ADGRL4: variants seen among roughly 807,000 people sequenced by gnomAD.
ADGRL4 encodes adhesion G protein-coupled receptor L4, also known as EGF, latrophilin and seven transmembrane domain containing 1.
ADGRL4 carries 90 observed loss-of-function variants against 74.8 expected under a neutral mutation model. The observed-to-expected ratio is 1.20, with a 90% CI of 1.02 to 1.43. The LOEUF (loss-of-function observed/expected upper bound fraction) is 1.43, where lower values mean the gene tolerates loss of function less well. Among genes scored for constraint, ADGRL4 ranks in the 40% most tolerant of loss-of-function variants. The pLI is 0.00. For synonymous variants in ADGRL4, 311 were observed against 279.2 expected (o/e 1.11, Z -1.14); for missense variants, 881 against 814.3 (o/e 1.08, Z -1.00).
intron 7 of ADGRL4, among the ~76,000 whole-genome samples, chr1:78,931,877 G>A (rs1028950459): frequency 1.3e-5 from 2 of 151,444 alleles, no homozygotes; most frequent in African/African-American, 4.9e-5. Flanking sequence ...AACCAGAAGA[G>A]CTAATTATCC....
chr1:78,975,800 C>T (rs940006670), intron 2 of ADGRL4, among the ~76,000 whole-genome samples: 1 of 151,740 alleles, frequency 6.6e-6, no homozygotes, highest in Non-Finnish European at 1.5e-5. Context: ...AAGGACTATG[C>T]TTATAGTGAC....
rs1168719741 is a variant in ADGRL4 at position 78,890,286 on chromosome 1, AC to A, written c.*867del. 7 of 152,264 alleles carry A rather than the reference AC, an allele frequency of 4.6e-5. No individual in the cohort carries two copies. The highest frequency in any genetic ancestry group is 2.4e-5 in the African/African-American group (1 of 41,452). The allele number at this position is 152,264 out of a possible 1,614,324, so 9.4% of individuals were successfully genotyped here. A position where few individuals can be genotyped will look rare whatever the true frequency, so the allele number is the denominator to read the frequency against. ...AATGAGATAGTATAACTTTCACTTC[AC>A]TGAAAGGTAATAGAATACTTCAGCT... On this transcript the variant is annotated 3_prime_UTR_variant, in exon 15 of 15. Transcript: ENST00000370742.
At chr1:78,953,259 G>A (rs764667844) in intron 2 of ADGRL4, among the ~76,000 whole-genome samples, 44 of 152,126 alleles carry the variant, frequency 2.9e-4, no homozygotes, top group Non-Finnish European at 5.0e-4. Flanking sequence ...GTAAAGATGA[G>A]TAATGCTCTT....
chr1:78,961,623 G>T (rs1649954780), intron 2 of ADGRL4, among the ~76,000 whole-genome samples: 1 of 152,114 alleles, frequency 6.6e-6, no homozygotes, highest in Admixed American at 6.6e-5. Flanking sequence ...CCTACTGTCT[G>T]CCAGGTGTCA....
Position 78,998,433 on chromosome 1 carries a change from G to A in ADGRL4, c.172+6637C>T, listed in dbSNP as rs575913793. Among the ~76,000 whole-genome samples, 33 of 130,448 alleles carry A rather than the reference G, an allele frequency of 2.5e-4. 1 individual carries two copies. The East Asian group carries it at 6.0e-3, about 24-fold the overall frequency. The allele number at this position is 130,448 out of a possible 152,430, so 85.6% of individuals were successfully genotyped here. A position where few individuals can be genotyped will look rare whatever the true frequency, so the allele number is the denominator to read the frequency against. Reference sequence around the variant, plus strand: ...TTGCCAGGCTGGAGTGCAGTGGCACGATCTCGGCTCACTGCAACCTCTGCC... The same window carrying A: ...TTGCCAGGCTGGAGTGCAGTGGCACAATCTCGGCTCACTGCAACCTCTGCC... On this transcript the variant is annotated intron_variant, in intron 2 of 14. Transcript: ENST00000370742.
At position 78,891,225 on chromosome 1, in the gene ADGRL4, TA is replaced by T. The variant is rs143948092; in HGVS notation, c.2011-10del. Reference sequence around the variant, plus strand: ...TAATATTCTTCTTGAATCTAAAAATTAAAAAAAGGAAAGGAAGAAATGTTAA... The same window carrying T: ...TAATATTCTTCTTGAATCTAAAAATTAAAAAAGGAAAGGAAGAAATGTTAA... On this transcript the variant is annotated splice_polypyrimidine_tract_variant and intron_variant, in intron 14 of 14. Transcript: ENST00000370742. The T allele has an allele frequency of 0.13, 204,815 of 1,589,820 alleles. 14,732 individuals are homozygous for T. The highest frequency in any genetic ancestry group is 0.15 in the Non-Finnish European group (172,436 of 1,166,218).
Position 79,006,717 on chromosome 1 carries a change from C to G in ADGRL4, c.-63G>C, listed in dbSNP as rs933486036. The G allele has an allele frequency of 5.7e-6, 8 of 1,400,376 alleles. No individual in the cohort carries two copies. Among genetic ancestry groups the G allele is most frequent in the South Asian group, 3.2e-5 (2 of 62,304 alleles). 86.7% of individuals were successfully genotyped at this position (1,400,376 alleles called of 1,614,324 possible). ...GGCGGAGTGAGTGCGGCTGTGGACC[C>G]GGGACCGGGCGCCGCTGGGCGGGCG... On this transcript the variant is annotated 5_prime_UTR_variant, in exon 1 of 15. Transcript: ENST00000370742.
chr1:78,942,882 A>G (rs1214668966), intron 3 of ADGRL4, among the ~76,000 whole-genome samples: 1 of 151,966 alleles, frequency 6.6e-6, no homozygotes, highest in Non-Finnish European at 1.5e-5. Flanking sequence ...GTGAGCCATA[A>G]CTGCACCACT....
chr1:78,913,222 A>G (rs1336992282), intron 12 of ADGRL4, among the ~76,000 whole-genome samples: 1 of 151,982 alleles, frequency 6.6e-6, no homozygotes, highest in Non-Finnish European at 1.5e-5. Context: ...TGTGGAAGAC[A>G]GGGTGGTGAT....
rs372536774 is a variant in ADGRL4, at chr1:78,893,178, C to G, written c.1761G>C (p.Leu587Phe). 6.9e-6 allele frequency: 11 copies of G among 1,596,274 alleles called. No individual in the cohort carries two copies. In the Middle Eastern group the frequency reaches 6.6e-4, roughly 96 times the overall value. The change falls in exon 13 of 15, where the codon TTG becomes TTC. Residue 587 changes from leucine to phenylalanine, a missense_variant. Leu to Phe is a conservative substitution (Grantham distance 22). Transcript: ENST00000370742. The stretch of plus-strand genomic sequence containing the variant: ...CTTTGTATATGATGACTCCAAAAGC[C>G]AAGAGATTAACCTGGAAAAAGAATT... The part of the protein sequence containing the change: ...PACLIILVNL[L>F]AFGVIIYKVF...
At chr1:78,905,741 C>T (rs72675845) in intron 12 of ADGRL4, among the ~76,000 whole-genome samples, 3,403 of 152,040 alleles carry the variant, frequency 0.022, 56 homozygotes, top group Non-Finnish European at 0.036. Flanking sequence ...AGATGCTCAA[C>T]AATCATTTGT....
chr1:78,893,673 T>C (rs950069164), intron 12 of ADGRL4, among the ~76,000 whole-genome samples: 10 of 152,062 alleles, frequency 6.6e-5, no homozygotes, highest in African/African-American at 2.2e-4. Context: ...GTACTTTCTC[T>C]CGTATGATTT....
intron 2 of ADGRL4, among the ~76,000 whole-genome samples, chr1:78,958,272 T>G (rs1354743073): frequency 6.6e-6 from 1 of 152,178 alleles, no homozygotes; most frequent in Non-Finnish European, 1.5e-5. Context: ...TTTTTACTTT[T>G]AAGTTCTATT....
At chr1:78,993,361 A>C (rs919569188) in intron 2 of ADGRL4, among the ~76,000 whole-genome samples, 1 of 152,196 alleles carries the variant, frequency 6.6e-6, no homozygotes, top group Non-Finnish European at 1.5e-5. Context: ...TAAAATAAAA[A>C]ATGATTAAAC....
intron 12 of ADGRL4, among the ~76,000 whole-genome samples, chr1:78,901,777 A>G (rs1648526353): frequency 6.6e-6 from 1 of 152,180 alleles, no homozygotes; most frequent in Non-Finnish European, 1.5e-5. Context: ...TGACACTGCT[A>G]GGAAGCGTCT....
At chr1:78,972,143 A>C (rs954376423) in intron 2 of ADGRL4, among the ~76,000 whole-genome samples, 1 of 152,216 alleles carries the variant, frequency 6.6e-6, no homozygotes, top group African/African-American at 2.4e-5. Flanking sequence ...AAAGCATGCT[A>C]ACTTTTGAAT....
chr1:78,933,160 C>CA (rs1482470532), intron 7 of ADGRL4, among the ~76,000 whole-genome samples: 2 of 151,450 alleles, frequency 1.3e-5, no homozygotes, highest in Admixed American at 6.6e-5. Flanking sequence ...CCCTGATGAA[C>CA]ATTGATGCAA....
At chr1:78,978,512 A>AT (rs1650335928) in intron 2 of ADGRL4, among the ~76,000 whole-genome samples, 1 of 151,874 alleles carries the variant, frequency 6.6e-6, no homozygotes, top group Non-Finnish European at 1.5e-5. Flanking sequence ...TCCTCAGGCT[A>AT]TTTTTGCCAG....
intron 2 of ADGRL4, among the ~76,000 whole-genome samples, chr1:78,950,340 G>A (rs746120277): frequency 5.9e-5 from 9 of 152,102 alleles, no homozygotes; most frequent in African/African-American, 9.7e-5. Context: ...GGAGGGTAAC[G>A]GCTTCAGGGC....
Sources: allele counts gnomAD v4.1 joint callset (sites outside exome capture counted in the v4.1 genomes callset), GRCh38; gene constraint gnomAD v4.1.1; transcripts MANE v1.5; gene names NCBI Gene and HGNC (gene_info 2026-07-23, HGNC 2026-07-21).